The following SPTBN1 variants were observed in gnomAD, a reference collection of about 807,000 sequenced individuals.
The protein encoded by SPTBN1 is spectrin beta chain, non-erythrocytic 1.
Under a neutral mutation model 266.4 loss-of-function variants are expected in SPTBN1, and 32 were observed. That is an observed-to-expected ratio of 0.12 (90% confidence interval 0.09 to 0.16). SPTBN1 has a LOEUF of 0.16. Ranked by LOEUF, SPTBN1 falls within the 10% of genes least tolerant of loss-of-function variation. SPTBN1 has a pLI of 1.00. For synonymous variants in SPTBN1, 1,336 were observed against 1,162.2 expected, an observed-to-expected ratio of 1.15 and a Z score of -3.04; for missense variants, 2,296 against 3,067.1, an observed-to-expected ratio of 0.75 and a Z score of 5.94.
At chr2:54,584,718 AC>A (rs1393297028) in intron 2 of SPTBN1, among the ~76,000 whole-genome samples, 1 of 152,208 alleles carries the variant, frequency 6.6e-6, no homozygotes, top group African/African-American at 2.4e-5. Context: ...TCATTATTAA[AC>A]AATAAAATGC....
Position 54,671,029 on chromosome 2 carries a change from C to G in SPTBN1, c.*2460C>G, listed in dbSNP as rs1409295211. ...TATTTCTTGTTGCCATAATGCTGTG[C>G]TATTTTACCCTGATTTTCAGTGATA... On this transcript the variant is annotated 3_prime_UTR_variant, in exon 36 of 36. Coordinates refer to ENST00000356805, the MANE Select transcript of SPTBN1 (RefSeq NM_003128.3). 9 of 383,830 alleles carry G rather than the reference C, an allele frequency of 2.3e-5. No individual in the cohort carries two copies. The East Asian group carries it at 3.3e-4, about 14-fold the overall frequency. 23.8% of individuals were successfully genotyped at this position (383,830 alleles called of 1,614,324 possible).
At position 54,533,831 on chromosome 2, in the gene SPTBN1, G is replaced by A. The variant is rs1469668603; in HGVS notation, c.148+7265G>A. Among the ~76,000 whole-genome samples the A allele has an allele frequency of 6.6e-6, 1 of 152,100 alleles. No individual in the cohort carries two copies. Among genetic ancestry groups the A allele is most frequent in the Non-Finnish European group, 1.5e-5 (1 of 68,038 alleles). ...CTCCCAAAGTGCTGGGATTACAGGC[G>A]TGAGCCTCCACGCCCGGCCTGCTGT... On this transcript the variant is annotated intron_variant, in intron 2 of 35. Coordinates refer to ENST00000356805, the MANE Select transcript of SPTBN1 (RefSeq NM_003128.3). This position sits in a 1 kb window ranked among gnomAD's most constrained non-coding sequence, Gnocchi z 4.2.
Position 54,500,028 on chromosome 2 carries a change from A to G in SPTBN1, c.-47-26344A>G, listed in dbSNP as rs181080760. On this transcript the variant is annotated intron_variant, in intron 1 of 35. Coordinates refer to ENST00000356805, the MANE Select transcript of SPTBN1 (RefSeq NM_003128.3). ...AATTATAATTCTTTTTACGTTTGTA[A>G]TGTTAATTGTTCATTTCTTAGGATT... Among the ~76,000 whole-genome samples, 389 of 152,312 alleles carry G rather than the reference A, an allele frequency of 2.6e-3. 3 individuals carry two copies. Among genetic ancestry groups the G allele is most frequent in the Non-Finnish European group, 2.9e-3 (200 of 68,024 alleles).
At chr2:54,547,650 T>C (rs1362357025) in intron 2 of SPTBN1, among the ~76,000 whole-genome samples, 1 of 152,202 alleles carries the variant, frequency 6.6e-6, no homozygotes, top group Non-Finnish European at 1.5e-5. Context: ...TACGATATAA[T>C]GGAAAAAAGG....
intron 2 of SPTBN1, among the ~76,000 whole-genome samples, chr2:54,578,629 G>C (rs548953909): frequency 1.3e-5 from 2 of 152,154 alleles, no homozygotes; most frequent in Non-Finnish European, 2.9e-5. Flanking sequence ...ACTTGATTTT[G>C]TTCCCATTCA....
At position 54,628,867 on chromosome 2, in the gene SPTBN1, G is replaced by T; in HGVS notation, c.1799-66G>T. ...GAATATGGGGTGTAGCTTACTGCCT[G>T]CCAGTGAGCCTGCACCCATGCTGAG... On this transcript the variant is annotated intron_variant, in intron 13 of 35. Transcript: ENST00000356805. The surrounding 1 kb of genome is among the most constrained non-coding windows in gnomAD (Gnocchi z 4.3). The T allele has an allele frequency of 6.6e-7, 1 of 1,513,550 alleles. No individual in the cohort carries two copies. The highest frequency in any genetic ancestry group is 1.4e-5 in the African/African-American group (1 of 71,824). 93.8% of individuals were successfully genotyped at this position (1,513,550 alleles called of 1,614,324 possible). A position where few individuals can be genotyped will look rare whatever the true frequency, so the allele number is the denominator to read the frequency against.
At chr2:54,634,448 C>A (rs1031859396) in intron 17 of SPTBN1, among the ~76,000 whole-genome samples, 1 of 152,202 alleles carries the variant, frequency 6.6e-6, no homozygotes, top group Non-Finnish European at 1.5e-5. Flanking sequence ...CCTGTACTAT[C>A]AATAAGCATA....
At chr2:54,518,122 CTG>C (rs1670217502) in intron 1 of SPTBN1, among the ~76,000 whole-genome samples, 1 of 152,044 alleles carries the variant, frequency 6.6e-6, no homozygotes, top group African/African-American at 2.4e-5. Context: ...GCAGAGAACT[CTG>C]AATGTTTGGG....
rs1310637691 is a variant in SPTBN1 at position 54,645,188 on chromosome 2, A to G, written c.4270-41A>G. On this transcript the variant is annotated intron_variant, in intron 20 of 35. Coordinates refer to ENST00000356805, the MANE Select transcript of SPTBN1 (RefSeq NM_003128.3). This position sits in a 1 kb window ranked among gnomAD's most constrained non-coding sequence, Gnocchi z 4.3. The stretch of plus-strand genomic sequence containing the variant: ...TGCTTAGAGCCAGTCACTGCAAAAG[A>G]TAGTCTGTGCTGAGCGCTGAGGCTG... 19 of 1,609,132 alleles carry G rather than the reference A, an allele frequency of 1.2e-5. No individual in the cohort carries two copies. The highest frequency in any genetic ancestry group is 1.6e-5 in the Non-Finnish European group (19 of 1,176,198).
chr2:54,659,229 A>G lies in SPTBN1; in HGVS notation c.6319A>G (p.Thr2107Ala), dbSNP rs147989241. ...GCGGCCGCCTTCTCCCGAGCCGAGCACGAAGGTTTCAGAGGAAGCCGAGTC... is the reference window on the plus strand; with the variant it reads ...GCGGCCGCCTTCTCCCGAGCCGAGCGCGAAGGTTTCAGAGGAAGCCGAGTC... ...KRRPPSPEPS[T>A]KVSEEAESQQ... Residue 2107 changes from threonine (T) to alanine (A), a missense_variant, in exon 31 of 36, where the codon ACG (threonine) becomes GCG (alanine). By Grantham distance (58) the Thr-to-Ala change is moderately conservative. Transcript: ENST00000356805. 1.1e-3 allele frequency: 1,755 copies of G among 1,614,126 alleles called. 1 individual carries two copies. Among genetic ancestry groups the G allele is most frequent in the Non-Finnish European group, 1.3e-3 (1,545 of 1,180,016 alleles).
intron 1 of SPTBN1, among the ~76,000 whole-genome samples, chr2:54,472,613 G>C (rs529592211): frequency 6.8e-6 from 1 of 147,990 alleles, no homozygotes; most frequent in Non-Finnish European, 1.5e-5. Flanking sequence ...GTAAAAACAG[G>C]GGGGGTTGGG....
intron 2 of SPTBN1, among the ~76,000 whole-genome samples, chr2:54,583,416 C>T (rs779153555): frequency 2.6e-5 from 4 of 152,010 alleles, no homozygotes; most frequent in Non-Finnish European, 5.9e-5. Flanking sequence ...GGTGGAACCC[C>T]AGTAAATCAA....
chr2:54,668,465 A>G lies in SPTBN1; in HGVS notation c.6991A>G (p.Thr2331Ala). 1 of 1,614,154 alleles carries G rather than the reference A, an allele frequency of 6.2e-7. No homozygotes were observed. Among genetic ancestry groups the G allele is most frequent in the Middle Eastern group, 1.6e-4 (1 of 6,062 alleles). ...PASSRAQTLP[T>A]SVVTITSESS... ...ATCCAGCCGCGCGCAGACCCTCCCC[A>G]CCAGCGTCGTCACCATCACCAGCGA... Residue 2331 changes from threonine (T) to alanine (A), a missense_variant, in exon 36 of 36, where the codon ACC (threonine) becomes GCC (alanine). This residue lies in a region of SPTBN1 where 347 missense variants were observed against 368.5 expected (regional missense o/e 0.94). Coordinates refer to ENST00000356805, the MANE Select transcript of SPTBN1 (RefSeq NM_003128.3).
At chr2:54,659,667 CTAAT>C (rs1572774273) in intron 31 of SPTBN1, among the ~76,000 whole-genome samples, 1 of 152,094 alleles carries the variant, frequency 6.6e-6, no homozygotes, top group African/African-American at 2.4e-5. Context: ...TTCCAAAGGG[CTAAT>C]TATTTTGCTA....
intron 1 of SPTBN1, among the ~76,000 whole-genome samples, chr2:54,482,992 C>T (rs1009170729): frequency 5.9e-5 from 9 of 152,140 alleles, no homozygotes; most frequent in East Asian, 1.9e-4. Flanking sequence ...CAGGCTGGCC[C>T]GAAGGGGTGT....
At chr2:54,471,800 A>ATTTGTTTTTTTTTTT (rs1693933726) in intron 1 of SPTBN1, among the ~76,000 whole-genome samples, 1 of 102,718 alleles carries the variant, frequency 9.7e-6, no homozygotes, top group African/African-American at 3.7e-5. Flanking sequence ...TTTTTTATCG[A>ATTTGTTTTTTTTTTT]TTTTTTTTTT....
rs766190844 is a variant in SPTBN1, at chr2:54,646,382, G to A, written c.4773G>A (p.Ala1591=). 1.9e-5 allele frequency: 31 copies of A among 1,612,980 alleles called. No individual in the cohort carries two copies. The highest frequency in any genetic ancestry group is 3.3e-4 in the Middle Eastern group (2 of 6,014). The change falls in exon 23 of 36, where the codon GCG becomes GCA. Residue 1591 remains alanine, a synonymous_variant. Coordinates refer to ENST00000356805, the MANE Select transcript of SPTBN1 (RefSeq NM_003128.3). This position sits in a 1 kb window ranked among gnomAD's most constrained non-coding sequence, Gnocchi z 4.4. ...TEKRHRRLEE[A]HRAQQYYFDA... is the part of the protein sequence containing the mutation. The stretch of plus-strand genomic sequence containing the variant: ...AACGCCACAGGCGGCTGGAGGAGGC[G>A]CACAGGGCCCAGCAGTACTACTTTG...
At chr2:54,605,648 A>T (rs777911753) in intron 3 of SPTBN1, among the ~76,000 whole-genome samples, 2 of 152,246 alleles carry the variant, frequency 1.3e-5, no homozygotes, top group Non-Finnish European at 2.9e-5. Context: ...TCTTGTAATT[A>T]CTGCTTCCTA....
chr2:54,586,412 C>T (rs1675299972), intron 2 of SPTBN1, among the ~76,000 whole-genome samples: 1 of 152,106 alleles, frequency 6.6e-6, no homozygotes, highest in Non-Finnish European at 1.5e-5. Flanking sequence ...AAATATAATT[C>T]CTCTTCTCAT....
Sources: allele counts gnomAD v4.1 joint callset (sites outside exome capture counted in the v4.1 genomes callset), GRCh38; gene constraint gnomAD v4.1.1; regional missense constraint gnomAD v4.1.1; non-coding constraint Gnocchi (gnomAD v3.1); transcripts MANE v1.5; gene names NCBI Gene and HGNC (gene_info 2026-07-23, HGNC 2026-07-21).